The following UBAP2L variants were observed in gnomAD, a reference collection of about 807,000 sequenced individuals.
UBAP2L encodes ubiquitin-associated protein 2-like.
A neutral mutation model predicts 130.6 loss-of-function variants in UBAP2L; 12 were observed. The ratio of observed to expected loss-of-function variants is 0.09; its 90% CI spans 0.06 to 0.15. The LOEUF (loss-of-function observed/expected upper bound fraction) is 0.15. UBAP2L is among the 10% of genes least tolerant of loss of function. The probability of loss-of-function intolerance (pLI) is 1.00; values close to 1 mark genes in which losing one functional copy is unlikely to be tolerated. For missense variants in UBAP2L, 965 were observed against 1,332.5 expected, an observed-to-expected ratio of 0.72 and a Z score of 4.29; for synonymous variants, 503 against 524.7, an observed-to-expected ratio of 0.96 and a Z score of 0.57.
At position 154,256,142 on chromosome 1, in the gene UBAP2L, G is replaced by A. The variant is rs1228627301; in HGVS notation, c.2157+387G>A. On this transcript the variant is annotated intron_variant, in intron 18 of 26. Transcript: ENST00000428931. The stretch of plus-strand genomic sequence containing the variant: ...TGCAAGGCTGGACATTTTTGTGAAA[G>A]TAGATGCCAGGTGAGAGCTTTTGGT... Among the ~76,000 whole-genome samples the A allele has an allele frequency of 2.6e-5, 4 of 152,240 alleles. 1 individual carries two copies. Among genetic ancestry groups the A allele is most frequent in the African/African-American group, 7.2e-5 (3 of 41,460 alleles).
chr1:154,220,427 G>C, upstream of UBAP2L: 1 of 1,614,060 alleles, frequency 6.2e-7, no homozygotes, highest in East Asian at 2.2e-5. Context: ...ACCTCGCGCA[G>C]AATTGTTCGG....
At chr1:154,221,017 G>T in intron 1 of UBAP2L, 42 bp downstream of exon 1, 1 of 204,708 alleles carries the variant, frequency 4.9e-6, no homozygotes, top group Non-Finnish European at 1.0e-5. Flanking sequence ...GGCGGCGGCG[G>T]CAGCGGCAGC....
Position 154,261,040 on chromosome 1 carries a change from C to T in UBAP2L, c.2727C>T (p.Thr909=), listed in dbSNP as rs1681380316. Residue 909 remains threonine, a synonymous_variant, in exon 23 of 27, where the codon ACC becomes ACT. Transcript: ENST00000428931. ...CGCTGCCTCCTGGCTACAGTTACAC[C>T]AGCCTGCCATACTATACAGGGGTCC... is the stretch of plus-strand genomic sequence containing the variant. ...NPALPPGYSY[T]SLPYYTGVPG... is the part of the protein sequence containing the mutation. The T allele has an allele frequency of 4.3e-6, 7 of 1,614,200 alleles. No homozygotes were observed. The Middle Eastern group carries it at 4.9e-4, about 114-fold the overall frequency.
At position 154,251,589 on chromosome 1, in the gene UBAP2L, T is replaced by A; in HGVS notation, c.1600T>A (p.Ser534Thr). 6.2e-7 allele frequency: 1 copy of A among 1,613,972 alleles called. No individual in the cohort carries two copies. Among genetic ancestry groups the A allele is most frequent in the South Asian group, 1.1e-5 (1 of 91,068 alleles). ...GSEPVLSDYE[S>T]TPTTSASSSQ... ...AGAGCCTGTCCTTTCTGATTATGAG[T>A]CCACCCCCACCACGAGCGCCTCTTC... Residue 534 changes from serine (S) to threonine (T), a missense_variant, in exon 14 of 27, where the codon TCC becomes ACC. Coordinates refer to ENST00000428931, the MANE Select transcript of UBAP2L (RefSeq NM_014847.4).
At chr1:154,238,114 C>T (rs562377465) in intron 8 of UBAP2L, among the ~76,000 whole-genome samples, 4 of 152,258 alleles carry the variant, frequency 2.6e-5, no homozygotes, top group African/African-American at 9.6e-5. Flanking sequence ...GAGCCTTTGG[C>T]ACAAATAGTT....
intron 24 of UBAP2L, among the ~76,000 whole-genome samples, chr1:154,262,358 A>G (rs527751120): frequency 6.6e-6 from 1 of 152,326 alleles, no homozygotes; most frequent in South Asian, 2.1e-4. Context: ...ACTTACCTAA[A>G]AGATACTCAG....
Position 154,261,613 on chromosome 1 carries a change from C to G in UBAP2L, c.2818C>G (p.Gln940Glu). ...TTAGGTGGCTCCTACCTCTTCCAAG[C>G]AGCATGGTGTGAATGTCAGTGTGAA... ...VFPVAPTSSK[Q>E]HGVNVSVNAS... The change falls in exon 24 of 27, where the codon CAG becomes GAG. Residue 940 changes from glutamine (Q) to glutamate (E), a missense_variant. Transcript: ENST00000428931. The G allele has an allele frequency of 6.2e-7, 1 of 1,614,132 alleles. No homozygotes were observed. The highest frequency in any genetic ancestry group is 8.5e-7 in the Non-Finnish European group (1 of 1,180,020).
Position 154,246,301 on chromosome 1 carries a change from C to A in UBAP2L, c.940C>A (p.Leu314Met). ...TCAGGCTCCTTCTCTGGCCCAGCCT[C>A]TGGTGTTCAGTAATTCGAAGCAGAC... Reference protein sequence around the residue: ...PSQAPSLAQPLVFSNSKQTAI... With the variant: ...PSQAPSLAQPMVFSNSKQTAI... Residue 314 changes from leucine to methionine, a missense_variant, in exon 11 of 27, where the codon CTG becomes ATG. Transcript: ENST00000428931. 6.2e-7 allele frequency: 1 copy of A among 1,613,796 alleles called. No individual in the cohort carries two copies. Among genetic ancestry groups the A allele is most frequent in the Non-Finnish European group, 8.5e-7 (1 of 1,179,918 alleles).
At chr1:154,250,920 G>A in intron 12 of UBAP2L, 121 bp from the exon 13 acceptor site, 1 of 988,894 alleles carries the variant, frequency 1.0e-6, no homozygotes, top group Non-Finnish European at 1.5e-6. Context: ...CCCAAAAGAG[G>A]GCCTGCTTAT....
At chr1:154,248,678 T>G (rs1226811097) in intron 11 of UBAP2L, among the ~76,000 whole-genome samples, 1 of 151,932 alleles carries the variant, frequency 6.6e-6, no homozygotes, top group Non-Finnish European at 1.5e-5. Context: ...TAGCCGGGTG[T>G]GGTGGCGGGT....
intron 15 of UBAP2L, among the ~76,000 whole-genome samples, chr1:154,254,317 C>T (rs1678886357): frequency 6.6e-6 from 1 of 152,156 alleles, no homozygotes; most frequent in Non-Finnish European, 1.5e-5. Flanking sequence ...AATTCATTGC[C>T]TCTAGTAGAA....
At position 154,270,802 on chromosome 1, in the gene UBAP2L, A is replaced by G. The variant is rs1385195623; in HGVS notation, c.*507A>G. Reference sequence around the variant, plus strand: ...TTTTTTTTTTGTACTGTGTCCTCAAATTTAATGGATTAATGTGTCTTGTAT... The same window carrying G: ...TTTTTTTTTTGTACTGTGTCCTCAAGTTTAATGGATTAATGTGTCTTGTAT... On this transcript the variant is annotated 3_prime_UTR_variant, in exon 27 of 27. Coordinates refer to ENST00000428931, the MANE Select transcript of UBAP2L (RefSeq NM_014847.4). The G allele has an allele frequency of 2.5e-5, 32 of 1,293,290 alleles. No individual in the cohort carries two copies. Among genetic ancestry groups the G allele is most frequent in the Non-Finnish European group, 2.9e-5 (29 of 993,510 alleles). 80.1% of individuals were successfully genotyped at this position (1,293,290 alleles called of 1,614,324 possible).
chr1:154,220,858 G>A (rs1286462967), upstream of UBAP2L: 2 of 169,088 alleles, frequency 1.2e-5, no homozygotes, highest in Non-Finnish European at 2.6e-5. Context: ...CAAGTGGGCG[G>A]GGGAAGGCGC....
intron 2 of UBAP2L, among the ~76,000 whole-genome samples, chr1:154,225,973 C>G (rs1055595603): frequency 2.0e-5 from 3 of 152,166 alleles, no homozygotes; most frequent in African/African-American, 7.2e-5. Context: ...GCTACCATGC[C>G]CAGCTAATTT....
In UBAP2L at chr1:154,237,145, C is replaced by T. The variant is rs1671941154; in HGVS notation, c.703+9C>T. On this transcript the variant is annotated intron_variant, in intron 8 of 26. Coordinates refer to ENST00000428931, the MANE Select transcript of UBAP2L (RefSeq NM_014847.4). ...ACCAGATGATGGGACGAGTGAGTGACCATTTATCATTCATTTCTTGTCTCT... is the reference window on the plus strand; with the variant it reads ...ACCAGATGATGGGACGAGTGAGTGATCATTTATCATTCATTTCTTGTCTCT... The T allele has an allele frequency of 4.4e-6, 7 of 1,603,678 alleles. No homozygotes were observed. Among genetic ancestry groups the T allele is most frequent in the Non-Finnish European group, 6.0e-6 (7 of 1,171,022 alleles).
At chr1:154,236,745 T>A (rs1671818958) in intron 7 of UBAP2L, 134 bp downstream of exon 7, 2 of 903,826 alleles carry the variant, frequency 2.2e-6, no homozygotes, top group African/African-American at 1.7e-5. Flanking sequence ...TTCTTAGGGA[T>A]AAACCTTTAC....
intron 11 of UBAP2L, among the ~76,000 whole-genome samples, chr1:154,248,212 C>G (rs1016462450): frequency 1.1e-4 from 17 of 152,076 alleles, no homozygotes; most frequent in African/African-American, 4.1e-4. Flanking sequence ...GGTGAGCTGC[C>G]CGCCTCAGCC....
intron 1 of UBAP2L, among the ~76,000 whole-genome samples, chr1:154,222,454 T>A (rs1411735282): frequency 6.6e-6 from 1 of 152,234 alleles, no homozygotes; most frequent in Non-Finnish European, 1.5e-5. Context: ...CAATGATTGT[T>A]TCCTTTGTGA....
Position 154,259,859 on chromosome 1 carries a change from A to G in UBAP2L, c.2497-89A>G, listed in dbSNP as rs185421428. The G allele has an allele frequency of 3.3e-4, 450 of 1,365,938 alleles. No individual in the cohort carries two copies. The African/African-American group carries it at 5.4e-3, about 16-fold the overall frequency. The allele number at this position is 1,365,938 out of a possible 1,614,324, so 84.6% of individuals were successfully genotyped here. A position where few individuals can be genotyped will look rare whatever the true frequency, so the allele number is the denominator to read the frequency against. ...ACTGGATAAATTGCACAACTCTCAC[A>G]TTCTTCTGTTTTTTCCTCCGTGGAA... On this transcript the variant is annotated intron_variant, in intron 21 of 26. Transcript: ENST00000428931.
Sources: allele counts gnomAD v4.1 joint callset (sites outside exome capture counted in the v4.1 genomes callset), GRCh38; gene constraint gnomAD v4.1.1; transcripts MANE v1.5; gene names NCBI Gene and HGNC (gene_info 2026-07-23, HGNC 2026-07-21).